ADCY9: variants seen among roughly 807,000 people sequenced by gnomAD.
ADCY9 encodes adenylate cyclase type 9.
ADCY9 carries 50 observed loss-of-function variants against 101.5 expected under a neutral mutation model. The ratio of observed to expected loss-of-function variants is 0.49; its 90% CI spans 0.39 to 0.62. The LOEUF (loss-of-function observed/expected upper bound fraction) is 0.62. ADCY9 is among the 20% of genes least tolerant of loss of function. The pLI is 0.00. For synonymous variants in ADCY9, 905 were observed against 769.3 expected, an observed-to-expected ratio of 1.18 and a Z score of -2.92; for missense variants, 1,662 against 1,800.4, an observed-to-expected ratio of 0.92 and a Z score of 1.39.
chr16:4,069,237 A>T (rs186488672), intron 2 of ADCY9, among the ~76,000 whole-genome samples: 252 of 150,590 alleles, frequency 1.7e-3, no homozygotes, highest in Middle Eastern at 6.8e-3. Flanking sequence ...GATTTTTCAA[A>T]TTTTTTTTCT....
At chr16:3,977,009 T>G (rs1414055426) in intron 9 of ADCY9, among the ~76,000 whole-genome samples, 2 of 152,140 alleles carry the variant, frequency 1.3e-5, no homozygotes, top group African/African-American at 4.8e-5. Flanking sequence ...TCATCCTACG[T>G]CTTCACCTCC....
At chr16:4,046,891 T>C (rs925984436) in intron 2 of ADCY9, among the ~76,000 whole-genome samples, 1 of 152,088 alleles carries the variant, frequency 6.6e-6, no homozygotes, top group Admixed American at 6.6e-5. Context: ...GCACCTGCAG[T>C]CCCAGCTACT....
intron 10 of ADCY9, among the ~76,000 whole-genome samples, chr16:3,969,591 T>TATATATATATATAC (rs1447388160): frequency 2.2e-5 from 2 of 89,882 alleles, no homozygotes; most frequent in Non-Finnish European, 4.2e-5. Flanking sequence ...TATATATATA[T>TATATATATATATAC]ATATATATAT....
chr16:4,015,432 G>C (rs2056432063), intron 2 of ADCY9: 1 of 151,750 alleles, frequency 6.6e-6, no homozygotes, highest in Admixed American at 6.6e-5. Flanking sequence ...GAGTCTCTGA[G>C]AGACGACACC....
intron 2 of ADCY9, among the ~76,000 whole-genome samples, chr16:4,113,258 C>A (rs969883161): frequency 1.3e-5 from 2 of 151,746 alleles, no homozygotes; most frequent in African/African-American, 4.8e-5. Flanking sequence ...TGCAGGACTG[C>A]GCCGACTTCC....
Position 3,966,636 on chromosome 16 carries a change from G to A in ADCY9, c.3201C>T (p.Phe1067=). ...CGTAGTTCTCCTCGTAGAACTCGCT[G>A]AAGTTGACGATGCTGGCGAAGATCA... ...GGVIFASIVN[F]SEFYEENYEG... Residue 1067 remains phenylalanine, a synonymous_variant, in exon 11 of 11, where the codon TTC becomes TTT. Coordinates refer to ENST00000294016, the MANE Select transcript of ADCY9 (RefSeq NM_001116.4). The A allele has an allele frequency of 1.2e-6, 2 of 1,614,184 alleles. No homozygotes were observed. The highest frequency in any genetic ancestry group is 1.7e-6 in the Non-Finnish European group (2 of 1,180,036).
intron 2 of ADCY9, among the ~76,000 whole-genome samples, chr16:4,030,824 C>T (rs78072331): frequency 6.6e-6 from 1 of 152,030 alleles, no homozygotes; most frequent in Non-Finnish European, 1.5e-5. Context: ...AAGTGGGTAG[C>T]GTTGGGAGGG....
In ADCY9 at chr16:4,101,341, G is replaced by C. The variant is rs980538808; in HGVS notation, c.1693+12409C>G. On this transcript the variant is annotated intron_variant, in intron 2 of 10. Transcript: ENST00000294016. ...TGTCACCCAGGCTGAGTACAGTGGT[G>C]CAATCACAGCTCACTGCAGCCTCGA... Among the ~76,000 whole-genome samples the C allele has an allele frequency of 5.9e-4, 88 of 149,744 alleles. 1 individual carries two copies. The highest frequency in any genetic ancestry group is 1.6e-4 in the Non-Finnish European group (11 of 67,788).
intron 2 of ADCY9, among the ~76,000 whole-genome samples, chr16:4,107,127 G>C (rs924130824): frequency 6.6e-6 from 1 of 152,230 alleles, no homozygotes; most frequent in Non-Finnish European, 1.5e-5. Context: ...GGGGCAGCTT[G>C]AGTGTCGACT....
rs1182386064 is a variant in ADCY9, at chr16:4,115,161, C to T, written c.282G>A (p.Lys94=). ...ERASSRWWDP[K]FDSVNLEEAC... ...CCTCCTCCAGGTTCACCGAGTCGAA[C>T]TTGGGGTCCCACCAGCGGCTGGAGG... The change falls in exon 2 of 11, where the codon AAG becomes AAA. Residue 94 remains lysine (K), a synonymous_variant. Coordinates refer to ENST00000294016, the MANE Select transcript of ADCY9 (RefSeq NM_001116.4). The surrounding 1 kb of genome is among the most constrained non-coding windows in gnomAD (Gnocchi z 6.2). 2 of 1,613,844 alleles carry T rather than the reference C, an allele frequency of 1.2e-6. No homozygotes were observed.
chr16:4,062,100 C>T (rs1299285042), intron 2 of ADCY9, among the ~76,000 whole-genome samples: 1 of 152,166 alleles, frequency 6.6e-6, no homozygotes, highest in East Asian at 1.9e-4. Context: ...GGAAGGATCA[C>T]TTGAATCCAG....
chr16:4,080,403 C>G (rs566969915), intron 2 of ADCY9, among the ~76,000 whole-genome samples: 140 of 152,094 alleles, frequency 9.2e-4, no homozygotes, highest in African/African-American at 3.4e-3. Flanking sequence ...GCCACCACAC[C>G]CGATTAATTT....
intron 2 of ADCY9, among the ~76,000 whole-genome samples, chr16:4,112,262 A>C (rs1390532988): frequency 6.6e-6 from 1 of 152,236 alleles, no homozygotes; most frequent in Non-Finnish European, 1.5e-5. Flanking sequence ...AAGTGAACAG[A>C]AAGTGTAGTT....
At chr16:4,008,572 T>G (rs899948863) in intron 2 of ADCY9, among the ~76,000 whole-genome samples, 3 of 140,748 alleles carry the variant, frequency 2.1e-5, no homozygotes, top group Non-Finnish European at 4.7e-5. Context: ...GGGTCCCTTC[T>G]TTTTTTTTTT....
At chr16:4,050,072 G>A (rs1277381510) in intron 2 of ADCY9, among the ~76,000 whole-genome samples, 2 of 152,042 alleles carry the variant, frequency 1.3e-5, no homozygotes, top group East Asian at 3.9e-4. Flanking sequence ...ACTGTTGGGG[G>A]CCGAAGTGGG....
chr16:3,966,735 G>A lies in ADCY9; in HGVS notation c.3102C>T (p.Asn1034=). ...MRDQADWLLR[N]IIPYHVAEQL... Reference sequence around the variant, plus strand: ...GCTCAGCCACGTGGTAGGGGATGATGTTCCTCAGCAGCCAGTCTGCCTGGT... The same window carrying A: ...GCTCAGCCACGTGGTAGGGGATGATATTCCTCAGCAGCCAGTCTGCCTGGT... Residue 1034 remains asparagine (N), a synonymous_variant, in exon 11 of 11, where the codon AAC becomes AAT. Transcript: ENST00000294016. 1 of 1,614,192 alleles carries A rather than the reference G, an allele frequency of 6.2e-7. No individual in the cohort carries two copies. Among genetic ancestry groups the A allele is most frequent in the African/African-American group, 1.3e-5 (1 of 75,050 alleles).
At chr16:4,036,461 T>TG (rs1491167339) in intron 2 of ADCY9, among the ~76,000 whole-genome samples, 1 of 98,972 alleles carries the variant, frequency 1.0e-5, no homozygotes, top group Non-Finnish European at 2.3e-5. Context: ...GGGGTTTGTT[T>TG]GTTTTTTTTT....
chr16:4,074,725 A>AAAAAAAAG (rs1230825244), intron 2 of ADCY9, among the ~76,000 whole-genome samples: 2 of 151,446 alleles, frequency 1.3e-5, no homozygotes, highest in Non-Finnish European at 2.9e-5. Context: ...GCAAAAAAAA[A>AAAAAAAAG]AAAAAATAGA....
In ADCY9 at chr16:3,963,982, G is replaced by A. The variant is rs1597129382; in HGVS notation, c.*1793C>T. ...GAAACCTTACAGCTAATGGGGGGAG[G>A]TGCCCTGGACTCTCAGGACGCCGGG... is the stretch of plus-strand genomic sequence containing the variant. On this transcript the variant is annotated 3_prime_UTR_variant, in exon 11 of 11. Coordinates refer to ENST00000294016, the MANE Select transcript of ADCY9 (RefSeq NM_001116.4). The A allele has an allele frequency of 1.3e-5, 2 of 152,626 alleles. No homozygotes were observed. The highest frequency in any genetic ancestry group is 3.8e-4 in the East Asian group (2 of 5,198). The allele number at this position is 152,626 out of a possible 1,614,324, so 9.5% of individuals were successfully genotyped here.
Sources: gnomAD v4.1 joint callset for allele counts (sites outside exome capture counted in the v4.1 genomes callset) on GRCh38, gnomAD v4.1.1 for gene constraint, Gnocchi (gnomAD v3.1) non-coding constraint, MANE v1.5 for transcripts, NCBI Gene and HGNC (gene_info 2026-07-23, HGNC 2026-07-21) for gene names.